Variants in FBP2 observed in about 807,000 individuals in gnomAD.
The protein encoded by FBP2 is fructose-bisphosphatase 2.
A neutral mutation model predicts 31.6 loss-of-function variants in FBP2; 27 were observed. The observed-to-expected ratio is 0.85, with a 90% CI of 0.63 to 1.18. The LOEUF (loss-of-function observed/expected upper bound fraction) is 1.18, where lower values mean the gene tolerates loss of function less well. FBP2 is among the 50% of genes most tolerant of loss of function. The pLI, the probability that FBP2 is intolerant of heterozygous loss-of-function variation, is 0.00. For missense variants in FBP2, 421 were observed against 436.1 expected (o/e 0.97, Z 0.31); for synonymous variants, 168 against 179.8 (o/e 0.93, Z 0.53).
chr9:94,559,022 G>A lies in FBP2; in HGVS notation c.936C>T (p.His312=). The change falls in exon 7 of 7, where the codon CAC becomes CAT. Residue 312 remains histidine, a synonymous_variant. Transcript: ENST00000375337. ...ACCCCAGAATGAGGGGGACTCGCTG[G>A]TGAATTGCCTCGGGCTTCACGTCCA... is the stretch of plus-strand genomic sequence containing the variant. ...PVLDVKPEAI[H]QRVPLILGSP... 1.2e-6 allele frequency: 2 copies of A among 1,614,118 alleles called. No individual in the cohort carries two copies. Among genetic ancestry groups the A allele is most frequent in the East Asian group, 2.2e-5 (1 of 44,870 alleles).
At chr9:94,562,335 ATGTCCAT>A (rs1168787996) in intron 6 of FBP2, among the ~76,000 whole-genome samples, 1 of 147,588 alleles carries the variant, frequency 6.8e-6, no homozygotes, top group Non-Finnish European at 1.5e-5. Context: ...AAAAAAAAGA[ATGTCCAT>A]TGTCCATGTC....
At chr9:94,578,379 G>A (rs12238316) in intron 3 of FBP2, among the ~76,000 whole-genome samples, 3,839 of 152,154 alleles carry the variant, frequency 0.025, 212 homozygotes, top group East Asian at 0.25. Flanking sequence ...GACTAACTTT[G>A]TATAATATCT....
intron 1 of FBP2, among the ~76,000 whole-genome samples, chr9:94,589,104 T>C (rs1033809429): frequency 5.9e-5 from 9 of 152,070 alleles, no homozygotes; most frequent in Non-Finnish European, 1.5e-5. Context: ...TAGGTCCTGT[T>C]TATTGTCTGT....
intron 3 of FBP2, among the ~76,000 whole-genome samples, chr9:94,581,017 A>G (rs1827367655): frequency 1.3e-5 from 2 of 152,236 alleles, no homozygotes; most frequent in Admixed American, 1.3e-4. Flanking sequence ...TAATTTATTA[A>G]TTTTGCCTCT....
At chr9:94,567,215 A>T in intron 5 of FBP2, 55 bp downstream of exon 5, 1 of 1,600,074 alleles carries the variant, frequency 6.2e-7, no homozygotes, top group Non-Finnish European at 8.5e-7. Flanking sequence ...CCACCCAAAC[A>T]GGACCCCATG....
chr9:94,587,016 AAAT>A (rs1439133190), intron 2 of FBP2, among the ~76,000 whole-genome samples: 1 of 152,196 alleles, frequency 6.6e-6, no homozygotes, highest in Non-Finnish European at 1.5e-5. Context: ...AAGCCCCCAA[AAAT>A]TTGGCTCTTG....
Position 94,587,322 on chromosome 9 carries a change from GGTGATGATGGC to G in FBP2, c.307_317del (p.Ala103ArgfsTer13). ...CATGACGCACCCGCTTCTCCTTGGC[GGTGATGATGGC>G]GTCCTTATTCTCTTCTGAGACCAGG... On this transcript the variant is annotated frameshift_variant, in exon 2 of 7. Transcript: ENST00000375337. LOFTEE classifies it high-confidence loss of function. The G allele has an allele frequency of 6.2e-7, 1 of 1,611,828 alleles. No individual in the cohort carries two copies.
chr9:94,573,314 A>T (rs1213796426), intron 3 of FBP2, among the ~76,000 whole-genome samples: 2 of 152,152 alleles, frequency 1.3e-5, no homozygotes, highest in Non-Finnish European at 2.9e-5. Context: ...GGTGGAGTGC[A>T]GTGGCTTGGT....
chr9:94,592,058 G>C (rs1248972307), intron 1 of FBP2, among the ~76,000 whole-genome samples: 1 of 152,152 alleles, frequency 6.6e-6, no homozygotes, highest in Non-Finnish European at 1.5e-5. Context: ...TCAGGCAACC[G>C]CATTGAGGAT....
At chr9:94,560,809 A>G (rs1262293681) in intron 6 of FBP2, among the ~76,000 whole-genome samples, 1 of 149,982 alleles carries the variant, frequency 6.7e-6, no homozygotes, top group Non-Finnish European at 1.5e-5. Context: ...TATATTAAGG[A>G]GAGGAACATG....
intron 4 of FBP2, chr9:94,570,877 T>C (rs1484800882): frequency 1.3e-5 from 2 of 152,252 alleles, no homozygotes; most frequent in Admixed American, 6.5e-5. Flanking sequence ...CTCCGCTGTC[T>C]GGAGTGGTGC....
At chr9:94,571,355 C>A (rs1827266473) in intron 4 of FBP2, 107 bp downstream of exon 4, 2 of 1,226,316 alleles carry the variant, frequency 1.6e-6, no homozygotes, top group Non-Finnish European at 2.2e-6. Flanking sequence ...CCCTGGTCCC[C>A]AAAACAAGTA....
intron 6 of FBP2, 82 bp downstream of exon 6, chr9:94,563,260 G>GTAGCCAAA: frequency 1.3e-6 from 2 of 1,498,628 alleles, no homozygotes; most frequent in African/African-American, 1.4e-5. Context: ...AAGCAGTGCA[G>GTAGCCAAA]TAGCCAAACA....
chr9:94,576,366 A>T (rs1338100127), intron 3 of FBP2, among the ~76,000 whole-genome samples: 1 of 152,142 alleles, frequency 6.6e-6, no homozygotes, highest in Non-Finnish European at 1.5e-5. Context: ...CTTTCTATCT[A>T]CCAGGCCTCA....
chr9:94,562,215 CAGG>C (rs1827118472), intron 6 of FBP2, among the ~76,000 whole-genome samples: 1 of 146,446 alleles, frequency 6.8e-6, no homozygotes, highest in Non-Finnish European at 1.5e-5. Context: ...GAGGCTGAGG[CAGG>C]AGAATGGTGT....
At chr9:94,570,253 A>G (rs1020494681) in intron 4 of FBP2, 6 of 152,218 alleles carry the variant, frequency 3.9e-5, no homozygotes, top group Non-Finnish European at 8.8e-5. Flanking sequence ...CAGAATGTTC[A>G]TGGAGATATT....
At position 94,593,582 on chromosome 9, in the gene FBP2, C is replaced by A. The variant is rs1827524802; in HGVS notation, c.145G>T (p.Val49Leu). ...AGGTGGGCCAGACCGGCCTTGCGCA[C>A]AGCCGAGGAGATGGCTTTGATGGCC... ...LTAIKAISSA[V>L]RKAGLAHLYG... Residue 49 changes from valine to leucine, a missense_variant, in exon 1 of 7, where the codon GTG (valine) becomes TTG (leucine). Val to Leu is a conservative substitution (Grantham distance 32). Coordinates refer to ENST00000375337, the MANE Select transcript of FBP2 (RefSeq NM_003837.4). 6.2e-7 allele frequency: 1 copy of A among 1,613,926 alleles called. No individual in the cohort carries two copies. Among genetic ancestry groups the A allele is most frequent in the African/African-American group, 1.3e-5 (1 of 74,942 alleles).
chr9:94,590,384 T>C (rs1247578982), intron 1 of FBP2, among the ~76,000 whole-genome samples: 1 of 152,102 alleles, frequency 6.6e-6, no homozygotes, highest in Non-Finnish European at 1.5e-5. Flanking sequence ...TCATAACTTT[T>C]AAATTGCATT....
chr9:94,584,686 A>T lies in FBP2; in HGVS notation c.334-17T>A. On this transcript the variant is annotated splice_polypyrimidine_tract_variant and intron_variant, in intron 2 of 6. Transcript: ENST00000375337. ...GTATTTCCCCTAAATCAGAGAGGAA[A>T]GCACCAACTGATCAGCACATCTTCC... The T allele has an allele frequency of 1.3e-6, 2 of 1,512,830 alleles. No individual in the cohort carries two copies. Among genetic ancestry groups the T allele is most frequent in the Non-Finnish European group, 1.8e-6 (2 of 1,087,654 alleles). The allele number at this position is 1,512,830 out of a possible 1,614,324, so 93.7% of individuals were successfully genotyped here. A position where few individuals can be genotyped will look rare whatever the true frequency, so the allele number is the denominator to read the frequency against.
Sources: allele counts gnomAD v4.1 joint callset (sites outside exome capture counted in the v4.1 genomes callset), GRCh38; gene constraint gnomAD v4.1.1; transcripts MANE v1.5; gene names NCBI Gene and HGNC (gene_info 2026-07-23, HGNC 2026-07-21).